Variants in CSMD1 observed in about 807,000 individuals in gnomAD.
The protein encoded by CSMD1 is CUB and Sushi multiple domains 1, also known as CUB and sushi domain-containing protein 1.
In CSMD1, 213 loss-of-function variants were observed where a neutral mutation model predicts 417.5. The ratio of observed to expected loss-of-function variants is 0.51; its 90% CI spans 0.46 to 0.57. CSMD1 has a LOEUF of 0.57. CSMD1 is among the 20% of genes least tolerant of loss of function. CSMD1 has a pLI of 0.00. For missense variants in CSMD1, 6,923 were observed against 4,529.7 expected, an observed-to-expected ratio of 1.53 and a Z score of -15.17; for synonymous variants, 2,862 against 1,736.8, an observed-to-expected ratio of 1.65 and a Z score of -16.11.
intron 11 of CSMD1, among the ~76,000 whole-genome samples, chr8:3,491,855 C>A (rs1818398257): frequency 1.3e-5 from 2 of 152,304 alleles, no homozygotes; most frequent in South Asian, 4.1e-4. Context: ...CCGGCGGGTA[C>A]CCCGAGTCCA....
chr8:3,505,427 T>C (rs1355553525), intron 10 of CSMD1, among the ~76,000 whole-genome samples: 2 of 152,170 alleles, frequency 1.3e-5, no homozygotes, highest in African/African-American at 4.8e-5. Flanking sequence ...GCAGAATCAA[T>C]AATTAGAAAA....
At chr8:3,744,225 G>A (rs1796955527) in intron 6 of CSMD1, among the ~76,000 whole-genome samples, 1 of 152,196 alleles carries the variant, frequency 6.6e-6, no homozygotes, top group Admixed American at 6.5e-5. Flanking sequence ...TCAAGCCGCA[G>A]CAGGTGTGTG....
chr8:4,193,167 G>A (rs1584996404), intron 3 of CSMD1, among the ~76,000 whole-genome samples: 1 of 152,166 alleles, frequency 6.6e-6, no homozygotes, highest in African/African-American at 2.4e-5. Context: ...CCAGTACCAT[G>A]CATTTAACCT....
rs1413842991 is a variant in CSMD1 at position 3,163,956 on chromosome 8, G to C, written c.5726-1679C>G. ...TATATGAGCCTGATCTCTCATGCGT[G>C]TTGAGCTAACAGTACACTTCCTCCA... is the stretch of plus-strand genomic sequence containing the variant. On this transcript the variant is annotated intron_variant, in intron 37 of 69. Transcript: ENST00000635120. Among the ~76,000 whole-genome samples the C allele has an allele frequency of 1.5e-4, 23 of 152,206 alleles. 1 individual carries two copies. The highest frequency in any genetic ancestry group is 1.0e-4 in the Non-Finnish European group (7 of 68,042).
intron 26 of CSMD1, among the ~76,000 whole-genome samples, chr8:3,283,641 T>C (rs566076757): frequency 7.8e-4 from 119 of 152,168 alleles, no homozygotes; most frequent in African/African-American, 2.8e-3. Flanking sequence ...CATAGAATAA[T>C]TCTCTGGCCT....
rs578140174 is a variant in CSMD1 at position 3,209,430 on chromosome 8, C to T, written c.4868-3810G>A. On this transcript the variant is annotated intron_variant, in intron 30 of 69. Transcript: ENST00000635120. The stretch of plus-strand genomic sequence containing the variant: ...CTCCCGGGTTCATGCCATTCTCCTG[C>T]CTCAGCCTCCCGAGTAGCTGGGACT... Among the ~76,000 whole-genome samples, 5 of 152,146 alleles carry T rather than the reference C, an allele frequency of 3.3e-5. No homozygotes were observed. In the South Asian group the frequency reaches 1.0e-3, roughly 32 times the overall value.
At chr8:3,617,424 A>T (rs1268434606) in intron 7 of CSMD1, among the ~76,000 whole-genome samples, 1 of 152,150 alleles carries the variant, frequency 6.6e-6, no homozygotes, top group Non-Finnish European at 1.5e-5. Flanking sequence ...TCACTTCAAC[A>T]TTCATTTCAT....
intron 5 of CSMD1, among the ~76,000 whole-genome samples, chr8:3,886,016 CATAT>C (rs890578738): frequency 6.6e-6 from 1 of 151,606 alleles, no homozygotes; most frequent in African/African-American, 2.4e-5. Context: ...TATATGTGTA[CATAT>C]ATATACATAC....
intron 8 of CSMD1, among the ~76,000 whole-genome samples, chr8:3,592,463 T>C (rs1040192685): frequency 1.3e-5 from 2 of 152,168 alleles, no homozygotes; most frequent in Admixed American, 1.3e-4. Flanking sequence ...GGAAACCTTT[T>C]CTTCAGCGTG....
intron 3 of CSMD1, among the ~76,000 whole-genome samples, chr8:4,177,314 C>G (rs550528313): frequency 6.6e-6 from 1 of 152,110 alleles, no homozygotes; most frequent in South Asian, 2.1e-4. Context: ...ACTGAACAAC[C>G]TGCTCCTGAA....
chr8:3,083,531 A>C (rs1108095), intron 49 of CSMD1, among the ~76,000 whole-genome samples: 58,181 of 140,024 alleles, frequency 0.42, 12,091 homozygotes, highest in African/African-American at 0.46. Context: ...GAAGTCGCTT[A>C]ATCTGTTATA....
intron 12 of CSMD1, among the ~76,000 whole-genome samples, chr8:3,419,485 C>A (rs2134569): frequency 2.0e-5 from 3 of 152,072 alleles, no homozygotes; most frequent in Admixed American, 2.0e-4. Context: ...TAAGCATATA[C>A]ACTGATTTTT....
intron 1 of CSMD1, among the ~76,000 whole-genome samples, chr8:4,894,162 T>A (rs1804318983): frequency 6.6e-6 from 1 of 152,000 alleles, no homozygotes; most frequent in Admixed American, 6.5e-5. Context: ...CAGTGAACAG[T>A]TTTTATGTTA....
intron 26 of CSMD1, among the ~76,000 whole-genome samples, chr8:3,236,105 A>G (rs1585742123): frequency 1.3e-5 from 2 of 151,860 alleles, no homozygotes; most frequent in East Asian, 3.9e-4. Context: ...TTTTTAGTAG[A>G]GACAGGGTTT....
At chr8:4,460,946 C>G (rs1338030173) in intron 2 of CSMD1, among the ~76,000 whole-genome samples, 1 of 152,026 alleles carries the variant, frequency 6.6e-6, no homozygotes, top group Non-Finnish European at 1.5e-5. Context: ...AATATCAAAG[C>G]CAGACATAGT....
At chr8:4,298,482 T>G (rs573732527) in intron 3 of CSMD1, among the ~76,000 whole-genome samples, 1 of 152,266 alleles carries the variant, frequency 6.6e-6, no homozygotes, top group East Asian at 1.9e-4. Flanking sequence ...CAATGTATAT[T>G]ATTTGAGTAA....
At chr8:4,004,739 CT>C in intron 4 of CSMD1, among the ~76,000 whole-genome samples, 1 of 151,930 alleles carries the variant, frequency 6.6e-6, no homozygotes, top group African/African-American at 2.4e-5. Flanking sequence ...ATTCTTTATT[CT>C]TTTTTTGTTT....
At chr8:3,780,034 C>T in intron 5 of CSMD1, among the ~76,000 whole-genome samples, 1 of 152,228 alleles carries the variant, frequency 6.6e-6, no homozygotes, top group East Asian at 1.9e-4. Flanking sequence ...TATTCACACT[C>T]TACTTCTACT....
chr8:4,722,668 G>A (rs549319008), intron 1 of CSMD1, among the ~76,000 whole-genome samples: 13 of 151,046 alleles, frequency 8.6e-5, no homozygotes, highest in African/African-American at 1.2e-4. Flanking sequence ...TATCCTCAGC[G>A]GAAAAAAAAA....
Sources: gnomAD v4.1 joint callset for allele counts (sites outside exome capture counted in the v4.1 genomes callset) on GRCh38, gnomAD v4.1.1 for gene constraint, MANE v1.5 for transcripts, NCBI Gene and HGNC (gene_info 2026-07-23, HGNC 2026-07-21) for gene names.